Variants in MFSD8 observed in about 807,000 individuals in gnomAD.
The protein encoded by MFSD8 is major facilitator superfamily domain containing 8, also known as major facilitator superfamily domain-containing protein 8.
Under a neutral mutation model 66.4 loss-of-function variants are expected in MFSD8, and 55 were observed. The ratio of observed to expected loss-of-function variants is 0.83; its 90% CI spans 0.67 to 1.04. MFSD8 has a LOEUF of 1.04. Among genes scored for constraint, MFSD8 ranks in the 50% least tolerant of loss-of-function variants. The pLI is 0.00. For missense variants in MFSD8, 550 were observed against 627.6 expected, an observed-to-expected ratio of 0.88 and a Z score of 1.32; for synonymous variants, 202 against 212.8, an observed-to-expected ratio of 0.95 and a Z score of 0.44.
chr4:127,958,045 C>T (rs1560777120), intron 1 of MFSD8, among the ~76,000 whole-genome samples: 1 of 152,146 alleles, frequency 6.6e-6, no homozygotes, highest in South Asian at 2.1e-4. Flanking sequence ...CTGCAGGAAG[C>T]TCTTTTGGCT....
At position 127,944,507 on chromosome 4, in the gene MFSD8, G is replaced by A. The variant is rs187762410; in HGVS notation, c.199-515C>T. On this transcript the variant is annotated intron_variant, in intron 3 of 11. Transcript: ENST00000641686. Reference sequence around the variant, plus strand: ...CAATAAACCTGTTATAAATTCTTCCGTTCTATATAGACCACTCAGTATTCT... The same window carrying A: ...CAATAAACCTGTTATAAATTCTTCCATTCTATATAGACCACTCAGTATTCT... 9.2e-4 allele frequency among the ~76,000 whole-genome samples: 140 copies of A among 152,124 alleles called. 2 individuals carry two copies. Among genetic ancestry groups the A allele is most frequent in the African/African-American group, 3.0e-3 (124 of 41,472 alleles).
intron 2 of MFSD8, 46 bp downstream of exon 2, chr4:127,957,455 T>C: frequency 7.9e-7 from 1 of 1,271,344 alleles, no homozygotes. Flanking sequence ...AGTTAAAATA[T>C]GACATCTGAT....
chr4:127,939,604 CAAAAAAAAAAAAAA>C (rs10553488), intron 6 of MFSD8: 14 of 81,114 alleles, frequency 1.7e-4, no homozygotes, highest in Admixed American at 1.1e-3. Flanking sequence ...GATCTTGTCT[CAAAAAAAAAAAAAA>C]AAAAAAAAAA....
At chr4:127,943,680 A>G in intron 4 of MFSD8, 72 bp downstream of exon 4, 1 of 1,565,316 alleles carries the variant, frequency 6.4e-7, no homozygotes, top group Non-Finnish European at 8.8e-7. Context: ...GGATGAGACC[A>G]GTTAAAAGTG....
At chr4:127,922,806 G>A (rs992540925) in intron 9 of MFSD8, among the ~76,000 whole-genome samples, 1 of 152,054 alleles carries the variant, frequency 6.6e-6, no homozygotes, top group South Asian at 2.1e-4. Flanking sequence ...TCTCTTCATG[G>A]TAAGTATTCT....
At chr4:127,935,616 G>T (rs1297143899) in intron 7 of MFSD8, among the ~76,000 whole-genome samples, 1 of 151,996 alleles carries the variant, frequency 6.6e-6, no homozygotes, top group African/African-American at 2.4e-5. Context: ...AAATTATTTT[G>T]AAGTAACTAG....
chr4:127,965,015 G>A, intron 1 of MFSD8, 57 bp downstream of exon 1: 1 of 1,592,692 alleles, frequency 6.3e-7, no homozygotes, highest in Non-Finnish European at 8.6e-7. Flanking sequence ...CGCCCGGAAA[G>A]GAACCAGTCC....
intron 5 of MFSD8, among the ~76,000 whole-genome samples, chr4:127,941,270 C>T (rs918596239): frequency 1.3e-5 from 2 of 151,900 alleles, no homozygotes; most frequent in East Asian, 1.9e-4. Flanking sequence ...AATAGAGGAA[C>T]GTAATGGAAA....
At chr4:127,932,886 A>C in intron 8 of MFSD8, 99 bp downstream of exon 8, 2 of 1,108,484 alleles carry the variant, frequency 1.8e-6, no homozygotes, top group Non-Finnish European at 2.6e-6. Flanking sequence ...TTTGCCTTAC[A>C]TAAGATTTTC....
intron 3 of MFSD8, among the ~76,000 whole-genome samples, chr4:127,948,934 T>A (rs1741506864): frequency 6.6e-6 from 1 of 152,180 alleles, no homozygotes; most frequent in Admixed American, 6.5e-5. Flanking sequence ...TGGTTTAGGG[T>A]ATTCTGTTAT....
In MFSD8 at chr4:127,964,290, G is replaced by T. The variant is rs187806596; in HGVS notation, c.62+782C>A. Among the ~76,000 whole-genome samples, 22 of 152,342 alleles carry T rather than the reference G, an allele frequency of 1.4e-4. No homozygotes were observed. The East Asian group carries it at 3.1e-3, about 21-fold the overall frequency. ...GACTAGGCACCGTGGAGTAGGGAGC[G>T]GCGCTCATCGGGGAGGCTCGGGCCG... On this transcript the variant is annotated intron_variant, in intron 1 of 11. Transcript: ENST00000641686.
chr4:127,949,909 ATT>A (rs1741670104), intron 2 of MFSD8, 62 bp from the exon 3 acceptor site: 1 of 1,445,494 alleles, frequency 6.9e-7, no homozygotes. Context: ...TACAGATACA[ATT>A]TTCTGAACCG....
chr4:127,930,713 A>T lies in MFSD8; in HGVS notation c.968T>A (p.Ile323Asn), dbSNP rs1474372838. ...GGAAAGCAACTTAACTCCTAAGAAA[A>T]TAACAACGGCTTCAACCCCAAGAGC... ...LAALGVEAVVIFLGVKLLSKK... is the reference protein window; with the variant it reads ...LAALGVEAVVNFLGVKLLSKK... The change falls in exon 9 of 12, where the codon ATT becomes AAT. Residue 323 changes from isoleucine to asparagine, a missense_variant. Ile to Asn is a moderately radical substitution (Grantham distance 149, BLOSUM62 -3). Coordinates refer to ENST00000641686, the MANE Select transcript of MFSD8 (RefSeq NM_001371596.2). 6.2e-7 allele frequency: 1 copy of T among 1,613,702 alleles called. No homozygotes were observed. Among genetic ancestry groups the T allele is most frequent in the Non-Finnish European group, 8.5e-7 (1 of 1,179,800 alleles).
chr4:127,943,418 C>A, intron 4 of MFSD8: 1 of 226,076 alleles, frequency 4.4e-6, no homozygotes. Context: ...GGAGGTCTCC[C>A]TATGTTACCC....
chr4:127,959,359 T>C (rs1743373698), intron 1 of MFSD8, among the ~76,000 whole-genome samples: 1 of 152,208 alleles, frequency 6.6e-6, no homozygotes, highest in South Asian at 2.1e-4. Flanking sequence ...TGCATAAACA[T>C]TGATTATCTC....
At chr4:127,935,401 G>A (rs1266646752) in intron 7 of MFSD8, among the ~76,000 whole-genome samples, 1 of 152,060 alleles carries the variant, frequency 6.6e-6, no homozygotes, top group South Asian at 2.1e-4. Context: ...CTAGACTATG[G>A]GGATTGACTA....
At chr4:127,931,079 T>C (rs1416237269) in intron 8 of MFSD8, among the ~76,000 whole-genome samples, 1 of 152,164 alleles carries the variant, frequency 6.6e-6, no homozygotes, top group Non-Finnish European at 1.5e-5. Context: ...ACAGAAAGTC[T>C]GAAACAAAGG....
intron 7 of MFSD8, 194 bp from the exon 8 acceptor site, chr4:127,933,287 C>T: frequency 2.1e-6 from 1 of 482,974 alleles, no homozygotes; most frequent in East Asian, 3.9e-5. Flanking sequence ...CTCTGTCACC[C>T]AGACTAGAGT....
At chr4:127,931,657 T>C (rs1738155738) in intron 8 of MFSD8, among the ~76,000 whole-genome samples, 1 of 152,152 alleles carries the variant, frequency 6.6e-6, no homozygotes, top group Non-Finnish European at 1.5e-5. Context: ...GCACCCAGTC[T>C]GAAATTTATT....
Sources: gnomAD v4.1 joint callset for allele counts (sites outside exome capture counted in the v4.1 genomes callset) on GRCh38, gnomAD v4.1.1 for gene constraint, MANE v1.5 for transcripts, NCBI Gene and HGNC (gene_info 2026-07-23, HGNC 2026-07-21) for gene names.